Variants in KCNH6 observed in about 807,000 individuals in gnomAD.
KCNH6 encodes potassium voltage-gated channel subfamily H member 6, also known as voltage-gated inwardly rectifying potassium channel KCNH6.
Under a neutral mutation model 83.4 loss-of-function variants are expected in KCNH6, and 81 were observed. The observed-to-expected ratio is 0.97, with a 90% CI of 0.81 to 1.17. The LOEUF (loss-of-function observed/expected upper bound fraction) is 1.17. KCNH6 is among the 50% of genes most tolerant of loss of function. The probability of loss-of-function intolerance (pLI) is 0.00; values close to 1 mark genes in which losing one functional copy is unlikely to be tolerated. For synonymous variants in KCNH6, 503 were observed against 545.6 expected, an observed-to-expected ratio of 0.92 and a Z score of 1.09; for missense variants, 1,203 against 1,290.5, an observed-to-expected ratio of 0.93 and a Z score of 1.04.
rs780073118 is a variant in KCNH6, at chr17:63,545,733, A to AG, written c.2712dup (p.Leu905AlafsTer28). The AG allele has an allele frequency of 6.2e-7, 1 of 1,614,102 alleles. No homozygotes were observed. Among genetic ancestry groups the AG allele is most frequent in the South Asian group, 1.1e-5 (1 of 91,076 alleles). ...CCATCCTCAGAACAGGAACAGCCTG[A>AG]GGGGCTCTGGCCACCCCTAGCCTCA... On this transcript the variant is annotated frameshift_variant, in exon 13 of 13. Transcript: ENST00000314672. LOFTEE classifies it high-confidence loss of function.
chr17:63,530,311 G>A (rs1336184929), intron 3 of KCNH6, 26 bp from the exon 4 acceptor site: 2 of 1,614,004 alleles, frequency 1.2e-6, no homozygotes, highest in African/African-American at 1.3e-5. Flanking sequence ...GGCCGTGGCT[G>A]CTCTGACTCC....
rs1264761703 is a variant in KCNH6 at position 63,538,289 on chromosome 17, G to A, written c.1701+25G>A. ...GGTGAGCCCCGCCGCTCCGGCTAATGCCCCGGGCGTGGGGGGGAGCCAAGA... is the reference window on the plus strand; with the variant it reads ...GGTGAGCCCCGCCGCTCCGGCTAATACCCCGGGCGTGGGGGGGAGCCAAGA... On this transcript the variant is annotated intron_variant, in intron 7 of 12. Coordinates refer to ENST00000314672, the MANE Select transcript of KCNH6 (RefSeq NM_001278919.2). This position sits in a 1 kb window ranked among gnomAD's most constrained non-coding sequence, Gnocchi z 4.0. 6.4e-7 allele frequency: 1 copy of A among 1,563,494 alleles called. No homozygotes were observed. The highest frequency in any genetic ancestry group is 1.1e-5 in the South Asian group (1 of 90,134).
chr17:63,543,875 T>C, intron 10 of KCNH6: 2 of 635,646 alleles, frequency 3.1e-6, no homozygotes, highest in Non-Finnish European at 5.6e-6. Context: ...GTGAGGGCTC[T>C]GTGGTTCAAA....
At chr17:63,536,118 G>T (rs544758929) in intron 6 of KCNH6, 50 bp downstream of exon 6, 1 of 1,541,768 alleles carries the variant, frequency 6.5e-7, no homozygotes, top group Non-Finnish European at 8.9e-7. Context: ...GGTCTTACCC[G>T]TGAAATTTTA....
chr17:63,536,037 G>A lies in KCNH6; in HGVS notation c.1470G>A (p.Lys490=). ...TCTCGCCCAACACCAACTCCGAGAAGGTCTTCTCCATCTGCGTCATGCTCA... is the reference window on the plus strand; with the variant it reads ...TCTCGCCCAACACCAACTCCGAGAAAGTCTTCTCCATCTGCGTCATGCTCA... The part of the protein sequence containing the change: ...GNVSPNTNSE[K]VFSICVMLIG... The change falls in exon 6 of 13, where the codon AAG becomes AAA. Residue 490 remains lysine, a synonymous_variant. Coordinates refer to ENST00000314672, the MANE Select transcript of KCNH6 (RefSeq NM_001278919.2). The A allele has an allele frequency of 6.2e-7, 1 of 1,613,650 alleles. No homozygotes were observed. Among genetic ancestry groups the A allele is most frequent in the Non-Finnish European group, 8.5e-7 (1 of 1,180,010 alleles).
chr17:63,530,461 C>T lies in KCNH6; in HGVS notation c.594C>T (p.Ser198=), dbSNP rs2032024787. The T allele has an allele frequency of 6.2e-7, 1 of 1,614,086 alleles. No homozygotes were observed. Among genetic ancestry groups the T allele is most frequent in the African/African-American group, 1.3e-5 (1 of 74,938 alleles). ...FVEFNLEKHR[S]SSTTEIEIIA... ...AGTTCAACTTGGAGAAGCACCGCTC[C>T]AGCTCCACCACGGAGATTGAGATCA... The change falls in exon 4 of 13, where the codon TCC becomes TCT. Residue 198 remains serine, a synonymous_variant. Transcript: ENST00000314672.
At position 63,524,296 on chromosome 17, in the gene KCNH6, C is replaced by A; in HGVS notation, c.234C>A (p.Ala78=). The change falls in exon 2 of 13, where the codon GCC becomes GCA. Residue 78 remains alanine, a synonymous_variant. Coordinates refer to ENST00000314672, the MANE Select transcript of KCNH6 (RefSeq NM_001278919.2). Reference sequence around the variant, plus strand: ...CAGGCCCCAACACACCAAGCAGCGCCGTGTCCCGCCTAGCGCAGGCCCTGC... The same window carrying A: ...CAGGCCCCAACACACCAAGCAGCGCAGTGTCCCGCCTAGCGCAGGCCCTGC... The part of the protein sequence containing the change: ...FLTGPNTPSS[A]VSRLAQALLG... 6 of 1,614,026 alleles carry A rather than the reference C, an allele frequency of 3.7e-6. No homozygotes were observed. Among genetic ancestry groups the A allele is most frequent in the African/African-American group, 1.3e-5 (1 of 75,072 alleles).
Position 63,524,236 on chromosome 17 carries a change from G to C in KCNH6, c.174G>C (p.Glu58Asp). The change falls in exon 2 of 13, where the codon GAG (glutamate) becomes GAC (aspartate). Residue 58 changes from glutamate to aspartate, a missense_variant. Glu to Asp is a conservative substitution (Grantham distance 45). Coordinates refer to ENST00000314672, the MANE Select transcript of KCNH6 (RefSeq NM_001278919.2). ...AACTCTTCGGCTACTCCCGAGTGGA[G>C]GTGATGCAGCAACCCTGCACCTGCG... ...FCELFGYSRV[E>D]VMQQPCTCDF... The C allele has an allele frequency of 6.2e-7, 1 of 1,614,126 alleles. No individual in the cohort carries two copies. The highest frequency in any genetic ancestry group is 2.2e-5 in the East Asian group (1 of 44,882).
chr17:63,535,730 G>A lies in KCNH6; in HGVS notation c.1163G>A (p.Arg388Gln), dbSNP rs764280354. The change falls in exon 6 of 13, where the codon CGG becomes CAG. Residue 388 changes from arginine to glutamine, a missense_variant. Transcript: ENST00000314672. The surrounding 1 kb of genome is among the most constrained non-coding windows in gnomAD (Gnocchi z 4.9). ...CTGCTGCGGCTGGTGCGCGTAGCAC[G>A]GAAGCTGGACCGCTACTCTGAGTAT... Reference protein sequence around the residue: ...ARLLRLVRVARKLDRYSEYGA... With the variant: ...ARLLRLVRVAQKLDRYSEYGA... The A allele has an allele frequency of 1.5e-5, 24 of 1,613,504 alleles. No homozygotes were observed. The Middle Eastern group carries it at 4.9e-4, about 33-fold the overall frequency.
At chr17:63,529,768 C>T (rs1397598407) in intron 2 of KCNH6, among the ~76,000 whole-genome samples, 1 of 152,188 alleles carries the variant, frequency 6.6e-6, no homozygotes, top group African/African-American at 2.4e-5. Flanking sequence ...TAATCCACCC[C>T]CATCTGCTCA....
In KCNH6 at chr17:63,538,354, T is replaced by A; in HGVS notation, c.1702-56T>A. 6.3e-7 allele frequency: 1 copy of A among 1,596,594 alleles called. No individual in the cohort carries two copies. The highest frequency in any genetic ancestry group is 8.5e-7 in the Non-Finnish European group (1 of 1,171,376). Reference sequence around the variant, plus strand: ...GGCGTCCCCAGAGCCCTCACCACCCTCTCCCCCAGCCCCACCCCGGCCGCG... The same window carrying A: ...GGCGTCCCCAGAGCCCTCACCACCCACTCCCCCAGCCCCACCCCGGCCGCG... On this transcript the variant is annotated intron_variant, in intron 7 of 12. Coordinates refer to ENST00000314672, the MANE Select transcript of KCNH6 (RefSeq NM_001278919.2). This position sits in a 1 kb window ranked among gnomAD's most constrained non-coding sequence, Gnocchi z 4.0.
In KCNH6 at chr17:63,544,753, A is replaced by G. The variant is rs1457629475; in HGVS notation, c.2397-325A>G. ...TCAAATTCTGGCTCTGTTCCCTACC[A>G]GCAAGAGTGTGGGCAAGTTACTAAA... On this transcript the variant is annotated intron_variant, in intron 11 of 12. Transcript: ENST00000314672. Among the ~76,000 whole-genome samples the G allele has an allele frequency of 3.3e-5, 5 of 152,150 alleles. No individual in the cohort carries two copies. In the East Asian group the frequency reaches 9.6e-4, roughly 29 times the overall value.
rs142683215 is a variant in KCNH6 at position 63,545,341 on chromosome 17, C to A, written c.2583+77C>A. ...TCCCTACCCTGACTTGTTCACAGTGCAGCATCAGGCCCAGAGCCTCTGTGG... is the reference window on the plus strand; with the variant it reads ...TCCCTACCCTGACTTGTTCACAGTGAAGCATCAGGCCCAGAGCCTCTGTGG... On this transcript the variant is annotated intron_variant, in intron 12 of 12. Transcript: ENST00000314672. The A allele has an allele frequency of 1.2e-5, 18 of 1,463,978 alleles. No individual in the cohort carries two copies. The African/African-American group carries it at 2.2e-4, about 18-fold the overall frequency. 90.7% of individuals were successfully genotyped at this position (1,463,978 alleles called of 1,614,324 possible).
At chr17:63,547,630 C>T (rs1397011070), downstream of KCNH6, among the ~76,000 whole-genome samples, 1 of 152,050 alleles carries the variant, frequency 6.6e-6, no homozygotes, top group African/African-American at 2.4e-5. Flanking sequence ...TATTGATCAC[C>T]CTATCATATG....
chr17:63,524,214 T>G lies in KCNH6; in HGVS notation c.152T>G (p.Leu51Arg). 6.2e-7 allele frequency: 1 copy of G among 1,614,220 alleles called. No homozygotes were observed. The highest frequency in any genetic ancestry group is 2.2e-5 in the East Asian group (1 of 44,890). Reference protein sequence around the residue: ...IIYCNDGFCELFGYSRVEVMQ... With the variant: ...IIYCNDGFCERFGYSRVEVMQ... ...TACTGCAACGACGGCTTCTGCGAACTCTTCGGCTACTCCCGAGTGGAGGTG... is the reference window on the plus strand; with the variant it reads ...TACTGCAACGACGGCTTCTGCGAACGCTTCGGCTACTCCCGAGTGGAGGTG... The change falls in exon 2 of 13, where the codon CTC (leucine) becomes CGC (arginine). Residue 51 changes from leucine (L) to arginine (R), a missense_variant. By Grantham distance (102) the Leu-to-Arg change is moderately radical. Transcript: ENST00000314672.
chr17:63,537,578 A>G (rs1197757628), intron 6 of KCNH6, among the ~76,000 whole-genome samples: 1 of 151,708 alleles, frequency 6.6e-6, no homozygotes, highest in African/African-American at 2.4e-5. Flanking sequence ...GGGATTACAG[A>G]CGGGCATCAC....
In KCNH6 at chr17:63,543,645, A is replaced by C. The variant is rs776023061; in HGVS notation, c.2218A>C (p.Ser740Arg). ...GSQDHQGFFL[S>R]DNQSDAAPPL... ...CCAAGACCACCAAGGTTTCTTTCTC[A>C]GTGACAACCAGTCAGGTGAGCAAAG... The change falls in exon 10 of 13, where the codon AGT (serine) becomes CGT (arginine). Residue 740 changes from serine (S) to arginine (R), a missense_variant. Coordinates refer to ENST00000314672, the MANE Select transcript of KCNH6 (RefSeq NM_001278919.2). 1 of 1,611,366 alleles carries C rather than the reference A, an allele frequency of 6.2e-7. No individual in the cohort carries two copies. Among genetic ancestry groups the C allele is most frequent in the South Asian group, 1.1e-5 (1 of 91,048 alleles).
At position 63,535,931 on chromosome 17, in the gene KCNH6, C is replaced by G. The variant is rs573386663; in HGVS notation, c.1364C>G (p.Ser455Trp). ...CGCTACAACGGCAGCGACCCAGCCT[C>G]GGGCCCCTCGGTGCAGGACAAGTAT... is the stretch of plus-strand genomic sequence containing the variant. The part of the protein sequence containing the change: ...GKRYNGSDPA[S>W]GPSVQDKYVT... Residue 455 changes from serine (S) to tryptophan (W), a missense_variant, in exon 6 of 13, where the codon TCG becomes TGG. Transcript: ENST00000314672. This position sits in a 1 kb window ranked among gnomAD's most constrained non-coding sequence, Gnocchi z 4.9. 116 of 1,613,866 alleles carry G rather than the reference C, an allele frequency of 7.2e-5. No homozygotes were observed. Among genetic ancestry groups the G allele is most frequent in the Non-Finnish European group, 9.7e-5 (114 of 1,180,052 alleles).
At position 63,524,185 on chromosome 17, in the gene KCNH6, C is replaced by G; in HGVS notation, c.123C>G (p.Ile41Met). 2 of 1,614,242 alleles carry G rather than the reference C, an allele frequency of 1.2e-6. No individual in the cohort carries two copies. The highest frequency in any genetic ancestry group is 1.7e-6 in the Non-Finnish European group (2 of 1,180,042). The change falls in exon 2 of 13, where the codon ATC becomes ATG. Residue 41 changes from isoleucine (I) to methionine (M), a missense_variant. Transcript: ENST00000314672. ...IANAQMENCA[I>M]IYCNDGFCEL... is the part of the protein sequence containing the mutation. ...ATGCTCAGATGGAGAACTGCGCCAT[C>G]ATTTACTGCAACGACGGCTTCTGCG...
Sources: gnomAD v4.1 joint callset for allele counts (sites outside exome capture counted in the v4.1 genomes callset) on GRCh38, gnomAD v4.1.1 for gene constraint, Gnocchi (gnomAD v3.1) non-coding constraint, MANE v1.5 for transcripts, NCBI Gene and HGNC (gene_info 2026-07-23, HGNC 2026-07-21) for gene names.